The following SMG1 variants were observed in gnomAD, a reference collection of about 807,000 sequenced individuals.
SMG1 encodes the protein serine/threonine-protein kinase SMG1.
SMG1 carries 22 observed loss-of-function variants against 419.9 expected under a neutral mutation model. The observed-to-expected ratio is 0.05, with a 90% CI of 0.04 to 0.07. SMG1 has a LOEUF of 0.07. SMG1 is among the 10% of genes least tolerant of loss of function. The pLI is 1.00. For synonymous variants in SMG1, 1,538 were observed against 1,553.5 expected (o/e 0.99, Z 0.23); for missense variants, 3,185 against 4,342.0 (o/e 0.73, Z 7.49).
chr16:18,827,255 C>CGT (rs2032753174), intron 55 of SMG1, among the ~76,000 whole-genome samples: 1 of 151,620 alleles, frequency 6.6e-6, no homozygotes, highest in African/African-American at 2.4e-5. Context: ...GGTGAAACCC[C>CGT]GTCTCTATAA....
intron 4 of SMG1, among the ~76,000 whole-genome samples, 174 bp downstream of exon 4, chr16:18,892,044 G>C (rs983313162): frequency 6.6e-6 from 1 of 152,182 alleles, no homozygotes; most frequent in Non-Finnish European, 1.5e-5. Context: ...TCCAGCCTGG[G>C]CGACAGAGCA....
At chr16:18,860,045 C>T (rs1245157316) in intron 26 of SMG1, among the ~76,000 whole-genome samples, 3 of 152,036 alleles carry the variant, frequency 2.0e-5, no homozygotes, top group African/African-American at 4.8e-5. Flanking sequence ...GGTGAAACCC[C>T]GTCTCTACTA....
chr16:18,898,443 T>C (rs915702388), intron 1 of SMG1, among the ~76,000 whole-genome samples: 5 of 150,194 alleles, frequency 3.3e-5, no homozygotes, highest in African/African-American at 1.0e-4. Flanking sequence ...TTTCTGAGTA[T>C]ACTAAGTCTA....
chr16:18,816,055 A>G (rs983541401), intron 58 of SMG1: 10 of 516,722 alleles, frequency 1.9e-5, no homozygotes, highest in Admixed American at 3.6e-5. Context: ...TGGTTTTATT[A>G]CAAGTTATAT....
intron 51 of SMG1, among the ~76,000 whole-genome samples, chr16:18,832,142 C>T (rs1485553972): frequency 6.6e-6 from 1 of 152,018 alleles, no homozygotes; most frequent in Non-Finnish European, 1.5e-5. Context: ...TTGAAATTTC[C>T]CATGGGAGGA....
chr16:18,854,107 G>A, intron 30 of SMG1, among the ~76,000 whole-genome samples: 1 of 61,322 alleles, frequency 1.6e-5, no homozygotes, highest in East Asian at 3.3e-4. Flanking sequence ...TTTTTTTTGA[G>A]GCAGGGTTTC....
In SMG1 at chr16:18,812,052, T is replaced by C. The variant is rs753629405; in HGVS notation, c.10697A>G (p.Asn3566Ser). Residue 3566 changes from asparagine (N) to serine (S), a missense_variant, in exon 61 of 63, where the codon AAT (asparagine) becomes AGT (serine). Physicochemically the swap from Asn to Ser is conservative, Grantham distance 46. This residue lies in a region of SMG1 where 737 missense variants were observed against 846.6 expected (regional missense o/e 0.87). Coordinates refer to ENST00000446231, the MANE Select transcript of SMG1 (RefSeq NM_015092.5). ...SQNARKLIQKNLATSADTPPS... is the reference protein window; with the variant it reads ...SQNARKLIQKSLATSADTPPS... The stretch of plus-strand genomic sequence containing the variant: ...TGGAGTATCAGCTGATGTAGCAAGA[T>C]TTTTTTGGATCAGCTTTCTAGCATT... 1.9e-6 allele frequency: 3 copies of C among 1,613,926 alleles called. No individual in the cohort carries two copies. The highest frequency in any genetic ancestry group is 2.5e-6 in the Non-Finnish European group (3 of 1,179,874).
Position 18,848,098 on chromosome 16 carries a change from G to A in SMG1, c.5624-65C>T, listed in dbSNP as rs571487691. 3.7e-6 allele frequency: 5 copies of A among 1,338,946 alleles called. No homozygotes were observed. The African/African-American group carries it at 5.8e-5, about 15-fold the overall frequency. 82.9% of individuals were successfully genotyped at this position (1,338,946 alleles called of 1,614,324 possible). A position where few individuals can be genotyped will look rare whatever the true frequency, so the allele number is the denominator to read the frequency against. On this transcript the variant is annotated intron_variant, in intron 36 of 62. Coordinates refer to ENST00000446231, the MANE Select transcript of SMG1 (RefSeq NM_015092.5). ...TCTCCCATGTGCATATGCTAGGTTA[G>A]GGAAAACACTGATAATCTATTTGAC...
At chr16:18,911,211 A>C (rs143514240) in intron 1 of SMG1, among the ~76,000 whole-genome samples, 5 of 152,310 alleles carry the variant, frequency 3.3e-5, no homozygotes, top group African/African-American at 1.2e-4. Context: ...ACACTAGAAA[A>C]TGTAGAAGGA....
At chr16:18,886,531 A>G (rs1027945884) in intron 6 of SMG1, among the ~76,000 whole-genome samples, 3 of 152,210 alleles carry the variant, frequency 2.0e-5, no homozygotes, top group African/African-American at 7.2e-5. Flanking sequence ...GGCTGGGTGC[A>G]GTGGCTCACA....
Position 18,853,633 on chromosome 16 carries a change from G to A in SMG1, c.4718C>T (p.Ser1573Phe), listed in dbSNP as rs377080801. The A allele has an allele frequency of 2.5e-6, 4 of 1,610,334 alleles. No homozygotes were observed. Among genetic ancestry groups the A allele is most frequent in the African/African-American group, 2.7e-5 (2 of 74,920 alleles). The change falls in exon 31 of 63, where the codon TCT (serine) becomes TTT (phenylalanine). Residue 1573 changes from serine to phenylalanine, a missense_variant. Coordinates refer to ENST00000446231, the MANE Select transcript of SMG1 (RefSeq NM_015092.5). Reference protein sequence around the residue: ...KNILTLIELPSVNTMEEEYPR... With the variant: ...KNILTLIELPFVNTMEEEYPR... ...ATACTCTTCTTCCATCGTATTAACA[G>A]ATGGCAGTTCTATTAGAGTGAGTAT...
chr16:18,904,729 G>C (rs1437896924), intron 1 of SMG1, among the ~76,000 whole-genome samples: 1 of 151,924 alleles, frequency 6.6e-6, no homozygotes, highest in East Asian at 1.9e-4. Context: ...GACGTCAGGA[G>C]TTCAAGACCA....
intron 54 of SMG1, 56 bp from the exon 55 acceptor site, chr16:18,828,224 A>G (rs2032896914): frequency 6.4e-7 from 1 of 1,574,370 alleles, no homozygotes; most frequent in Non-Finnish European, 8.7e-7. Context: ...GTTTAGATAA[A>G]TAAGGGAAGG....
At position 18,829,313 on chromosome 16, in the gene SMG1, C is replaced by T; in HGVS notation, c.9576G>A (p.Arg3192=). 7 of 1,613,464 alleles carry T rather than the reference C, an allele frequency of 4.3e-6. No homozygotes were observed. The highest frequency in any genetic ancestry group is 1.7e-5 in the Admixed American group (1 of 60,014). The change falls in exon 54 of 63, where the codon CGG becomes CGA. Residue 3192 remains arginine (R), a synonymous_variant. Coordinates refer to ENST00000446231, the MANE Select transcript of SMG1 (RefSeq NM_015092.5). ...SISSCKTSLQ[R]VQLHIAMFQW... Reference sequence around the variant, plus strand: ...GAAACATGGCAATATGCAGCTGAACCCGCTGCAGGCTTGTCTTACAAGAAG... The same window carrying T: ...GAAACATGGCAATATGCAGCTGAACTCGCTGCAGGCTTGTCTTACAAGAAG...
At chr16:18,870,122 G>C in intron 18 of SMG1, 128 bp from the exon 19 acceptor site, 1 of 616,944 alleles carries the variant, frequency 1.6e-6, no homozygotes, top group South Asian at 2.0e-5. Flanking sequence ...ACTTTCAAAT[G>C]GATACAGAGA....
In SMG1 at chr16:18,890,935, C is replaced by T. The variant is rs576426921; in HGVS notation, c.550-14G>A. On this transcript the variant is annotated splice_polypyrimidine_tract_variant and intron_variant, in intron 4 of 62. Transcript: ENST00000446231. ...TTTAACTAGTACCTTTAAAAGAAAA[C>T]ACATTTATAAAAACTTCAAATTCCT... 2.4e-5 allele frequency: 32 copies of T among 1,349,522 alleles called. No individual in the cohort carries two copies. The East Asian group carries it at 7.3e-4, about 31-fold the overall frequency. The allele number at this position is 1,349,522 out of a possible 1,614,324, so 83.6% of individuals were successfully genotyped here. A position where few individuals can be genotyped will look rare whatever the true frequency, so the allele number is the denominator to read the frequency against.
chr16:18,849,405 C>T, intron 35 of SMG1, 27 bp from the exon 36 acceptor site: 2 of 1,585,856 alleles, frequency 1.3e-6, no homozygotes, highest in South Asian at 1.1e-5. Context: ...GAGAAAGACA[C>T]TTTAAAGTTA....
At chr16:18,831,648 A>G (rs1156471812) in intron 51 of SMG1, among the ~76,000 whole-genome samples, 1 of 151,308 alleles carries the variant, frequency 6.6e-6, no homozygotes, top group South Asian at 2.1e-4. Flanking sequence ...CCCAGCTACT[A>G]GGGAGGCTGA....
intron 42 of SMG1, among the ~76,000 whole-genome samples, chr16:18,839,121 C>T (rs1448102540): frequency 6.6e-6 from 1 of 152,158 alleles, no homozygotes; most frequent in Non-Finnish European, 1.5e-5. Flanking sequence ...GCTGGGATTA[C>T]AGATGTGAGC....
Sources: gnomAD v4.1 joint callset for allele counts (sites outside exome capture counted in the v4.1 genomes callset) on GRCh38, gnomAD v4.1.1 for gene constraint, gnomAD v4.1.1 regional missense constraint, MANE v1.5 for transcripts, NCBI Gene and HGNC (gene_info 2026-07-23, HGNC 2026-07-21) for gene names.